PTPRD: variants seen among roughly 807,000 people sequenced by gnomAD.
PTPRD encodes the protein receptor-type tyrosine-protein phosphatase delta.
A neutral mutation model predicts 214.5 loss-of-function variants in PTPRD; 34 were observed. The observed-to-expected ratio is 0.16, with a 90% CI of 0.12 to 0.21. The LOEUF is 0.21. Among genes scored for constraint, PTPRD ranks in the 10% least tolerant of loss-of-function variants. The pLI is 1.00. For missense variants in PTPRD, 2,545 were observed against 2,398.7 expected (o/e 1.06, Z -1.27); for synonymous variants, 1,128 against 845.7 (o/e 1.33, Z -5.79).
intron 12 of PTPRD, among the ~76,000 whole-genome samples, chr9:8,667,477 A>G (rs1367124405): frequency 6.6e-6 from 1 of 152,216 alleles, no homozygotes; most frequent in Non-Finnish European, 1.5e-5. Context: ...ATGTTTCAAA[A>G]TCCAAAACTT....
At chr9:9,556,882 C>G (rs531061560) in intron 8 of PTPRD, among the ~76,000 whole-genome samples, 14 of 152,168 alleles carry the variant, frequency 9.2e-5, no homozygotes, top group Admixed American at 2.6e-4. Context: ...GGATTAGAAA[C>G]CTGTATTCTA....
At chr9:8,405,868 C>A (rs1265809931) in intron 35 of PTPRD, among the ~76,000 whole-genome samples, 1 of 152,008 alleles carries the variant, frequency 6.6e-6, no homozygotes, top group Non-Finnish European at 1.5e-5. Context: ...CCAACAGCAT[C>A]AAAATACTAA....
intron 11 of PTPRD, among the ~76,000 whole-genome samples, chr9:8,843,239 G>A (rs566868173): frequency 2.0e-5 from 3 of 152,086 alleles, no homozygotes; most frequent in African/African-American, 7.2e-5. Flanking sequence ...CTTCACATCG[G>A]GCTGGTACAA....
At chr9:9,939,437 A>G (rs2153964149) in intron 4 of PTPRD, among the ~76,000 whole-genome samples, 1 of 152,212 alleles carries the variant, frequency 6.6e-6, no homozygotes, top group South Asian at 2.1e-4. Context: ...TGCCTCCCCA[A>G]GATTTGGAGT....
intron 3 of PTPRD, among the ~76,000 whole-genome samples, chr9:10,041,294 T>C (rs374641944): frequency 6.6e-6 from 1 of 151,962 alleles, no homozygotes; most frequent in South Asian, 2.1e-4. Flanking sequence ...TTGAAGAGGT[T>C]TCAATTTTTA....
At chr9:8,386,476 C>T (rs898319168) in intron 37 of PTPRD, among the ~76,000 whole-genome samples, 1 of 152,140 alleles carries the variant, frequency 6.6e-6, no homozygotes, top group South Asian at 2.1e-4. Context: ...AGAACCTGAG[C>T]CTTAATCTAA....
intron 2 of PTPRD, among the ~76,000 whole-genome samples, chr9:10,599,262 CT>C (rs991570694): frequency 6.6e-6 from 1 of 151,678 alleles, no homozygotes; most frequent in African/African-American, 2.4e-5. Flanking sequence ...AACTACTCAC[CT>C]TACGACTGTT....
Position 10,595,162 on chromosome 9 carries a change from G to A in PTPRD, c.-600+17236C>T, listed in dbSNP as rs1666895406. ...AAAATGAGGCTTAGGTCAAATCAAA[G>A]CATCCATTAACATATTATTGTGTCT... On this transcript the variant is annotated intron_variant, in intron 2 of 45. Transcript: ENST00000381196. Among the ~76,000 whole-genome samples, 4 of 151,848 alleles carry A rather than the reference G, an allele frequency of 2.6e-5. No homozygotes were observed. In the South Asian group the frequency reaches 8.3e-4, roughly 31 times the overall value.
intron 11 of PTPRD, among the ~76,000 whole-genome samples, chr9:8,950,706 C>CTT (rs61227582): frequency 7.4e-4 from 106 of 143,688 alleles, no homozygotes; most frequent in Non-Finnish European, 1.1e-3. Context: ...TTATGTTTTT[C>CTT]TTTTTTTTTT....
In PTPRD at chr9:9,370,312, G is replaced by T. The variant is rs556473705; in HGVS notation, c.-203+27137C>A. On this transcript the variant is annotated intron_variant, in intron 9 of 45. Transcript: ENST00000381196. ...TGAGCAGTGGTTTGTAGTTCTCCTT[G>T]AAGAGGTCCTTCACATCCCTTGTAA... is the stretch of plus-strand genomic sequence containing the variant. 2.0e-3 allele frequency among the ~76,000 whole-genome samples: 300 copies of T among 152,078 alleles called. 1 individual carries two copies. The highest frequency in any genetic ancestry group is 6.9e-3 in the African/African-American group (286 of 41,434).
chr9:8,885,153 A>G (rs2098476478), intron 11 of PTPRD, among the ~76,000 whole-genome samples: 1 of 152,192 alleles, frequency 6.6e-6, no homozygotes, highest in South Asian at 2.1e-4. Context: ...AATGATGATA[A>G]TAGTTCCCAT....
intron 12 of PTPRD, among the ~76,000 whole-genome samples, chr9:8,686,575 G>A (rs1456430151): frequency 6.6e-6 from 1 of 152,248 alleles, no homozygotes; most frequent in Non-Finnish European, 1.5e-5. Flanking sequence ...TTAGAAATAA[G>A]TGAAGGGGGG....
At chr9:8,628,391 T>C (rs889443366) in intron 14 of PTPRD, among the ~76,000 whole-genome samples, 3 of 151,876 alleles carry the variant, frequency 2.0e-5, no homozygotes, top group African/African-American at 4.8e-5. Flanking sequence ...AGACATATTA[T>C]GCAAACATTT....
chr9:9,785,659 A>T (rs981890552), intron 5 of PTPRD, among the ~76,000 whole-genome samples: 1 of 152,140 alleles, frequency 6.6e-6, no homozygotes, highest in Non-Finnish European at 1.5e-5. Context: ...GCAATTCGAC[A>T]TAGTAATTTG....
chr9:9,300,618 A>G (rs956082317), intron 9 of PTPRD, among the ~76,000 whole-genome samples: 1 of 151,752 alleles, frequency 6.6e-6, no homozygotes, highest in African/African-American at 2.4e-5. Flanking sequence ...GTGTCCTTAT[A>G]AAAGGGACAT....
At chr9:9,124,775 A>G (rs1011592783) in intron 10 of PTPRD, among the ~76,000 whole-genome samples, 1 of 152,196 alleles carries the variant, frequency 6.6e-6, no homozygotes, top group Non-Finnish European at 1.5e-5. Context: ...TTATGTTTGT[A>G]CCAAAAATGT....
chr9:10,064,329 T>C (rs2154172431), intron 3 of PTPRD, among the ~76,000 whole-genome samples: 1 of 152,104 alleles, frequency 6.6e-6, no homozygotes, highest in South Asian at 2.1e-4. Context: ...CAACAAATGT[T>C]TGCTAAATTT....
chr9:9,089,844 A>C (rs111257713), intron 10 of PTPRD, among the ~76,000 whole-genome samples: 42 of 152,350 alleles, frequency 2.8e-4, no homozygotes, highest in African/African-American at 8.7e-4. Flanking sequence ...AGGTAAAAAA[A>C]GTAGTAATGC....
In PTPRD at chr9:8,491,165, A is replaced by G. The variant is rs377588364; in HGVS notation, c.2467+1697T>C. 1.9e-3 allele frequency among the ~76,000 whole-genome samples: 291 copies of G among 152,342 alleles called. 4 individuals are homozygous for G. The South Asian group carries it at 0.029, about 15-fold the overall frequency. On this transcript the variant is annotated intron_variant, in intron 27 of 45. Coordinates refer to ENST00000381196, the MANE Select transcript of PTPRD (RefSeq NM_002839.4). ...GGAGGTCTTACAAAAGTAAACGTGTAGGCATCTAAATTACAAGCATTTTCT... is the reference window on the plus strand; with the variant it reads ...GGAGGTCTTACAAAAGTAAACGTGTGGGCATCTAAATTACAAGCATTTTCT...
Sources: allele counts gnomAD v4.1 joint callset (sites outside exome capture counted in the v4.1 genomes callset), GRCh38; gene constraint gnomAD v4.1.1; transcripts MANE v1.5; gene names NCBI Gene and HGNC (gene_info 2026-07-23, HGNC 2026-07-21).